The following ZNF583 variants were observed in gnomAD, a reference collection of about 807,000 sequenced individuals.
ZNF583 encodes the protein zinc finger protein 583, also known as zinc finger protein L3-5.
A neutral mutation model predicts 55.3 loss-of-function variants in ZNF583; 30 were observed. That is an observed-to-expected ratio of 0.54 (90% CI 0.41 to 0.74). The LOEUF is 0.74. ZNF583 is among the 30% of genes least tolerant of loss of function. The pLI, the probability that ZNF583 is intolerant of heterozygous loss-of-function variation, is 0.00. For synonymous variants in ZNF583, 208 were observed against 220.0 expected, an observed-to-expected ratio of 0.95 and a Z score of 0.48; for missense variants, 504 against 664.7, an observed-to-expected ratio of 0.76 and a Z score of 2.66.
intron 2 of ZNF583, among the ~76,000 whole-genome samples, chr19:56,412,762 CCTT>C (rs375820196): frequency 2.0e-3 from 304 of 152,200 alleles, no homozygotes; most frequent in African/African-American, 6.5e-3. Flanking sequence ...TTCTTTGATT[CCTT>C]CTTATCAAGT....
rs994469275 is a variant in ZNF583 at position 56,425,236 on chromosome 19, G to A, written c.*868G>A. 1 of 151,958 alleles carries A rather than the reference G, an allele frequency of 6.6e-6. No homozygotes were observed. Among genetic ancestry groups the A allele is most frequent in the African/African-American group, 2.4e-5 (1 of 41,356 alleles). 9.4% of individuals were successfully genotyped at this position (151,958 alleles called of 1,614,324 possible). Reference sequence around the variant, plus strand: ...TAAAAGTCTTTTTTTTTGAGATGGAGTCTTGCTCTGTTGCTCAGGCTTGAG... The same window carrying A: ...TAAAAGTCTTTTTTTTTGAGATGGAATCTTGCTCTGTTGCTCAGGCTTGAG... On this transcript the variant is annotated 3_prime_UTR_variant, in exon 5 of 5. Coordinates refer to ENST00000333201, the MANE Select transcript of ZNF583 (RefSeq NM_152478.3).
At chr19:56,410,177 CTCTTCGAGTATG>C (rs2042215373) in intron 2 of ZNF583, among the ~76,000 whole-genome samples, 1 of 152,176 alleles carries the variant, frequency 6.6e-6, no homozygotes, top group African/African-American at 2.4e-5. Flanking sequence ...ACCTGAAGAA[CTCTTCGAGTATG>C]TCTTCGAGTG....
At chr19:56,417,959 CAT>C (rs1368310271) in intron 4 of ZNF583, among the ~76,000 whole-genome samples, 3 of 152,148 alleles carry the variant, frequency 2.0e-5, no homozygotes, top group Non-Finnish European at 4.4e-5. Flanking sequence ...TACTTGACCA[CAT>C]ATGTGTGGGT....
Position 56,424,817 on chromosome 19 carries a change from AG to A in ZNF583, c.*450del, listed in dbSNP as rs1477205552. The A allele has an allele frequency of 6.3e-6, 1 of 158,662 alleles. No homozygotes were observed. The highest frequency in any genetic ancestry group is 1.4e-5 in the Non-Finnish European group (1 of 71,742). 9.8% of individuals were successfully genotyped at this position (158,662 alleles called of 1,614,324 possible). On this transcript the variant is annotated 3_prime_UTR_variant, in exon 5 of 5. Transcript: ENST00000333201. The stretch of plus-strand genomic sequence containing the variant: ...TGGGGGCAGCAGTTTGTGCTTTGTA[AG>A]CTTCAGTCTTATTTATAGTGTGGGA...
chr19:56,412,509 T>G (rs2042254433), intron 2 of ZNF583, among the ~76,000 whole-genome samples: 1 of 152,222 alleles, frequency 6.6e-6, no homozygotes, highest in South Asian at 2.1e-4. Context: ...TAGTGAGAGC[T>G]GTAGATATTT....
In ZNF583 at chr19:56,423,272, T is replaced by A. The variant is rs374933168; in HGVS notation, c.614T>A (p.Val205Asp). ...KKSVEMKHRK[V>D]YVEKKLLKCN... The stretch of plus-strand genomic sequence containing the variant: ...TCTGTTGAAATGAAACATAGGAAAG[T>A]CTATGTAGAAAAGAAACTTTTGAAA... Residue 205 changes from valine to aspartate, a missense_variant, in exon 5 of 5, where the codon GTC becomes GAC. Physicochemically the swap from Val to Asp is radical, Grantham distance 152. This residue lies in a region of ZNF583 where 204 missense variants were observed against 235.2 expected (regional missense o/e 0.87). Coordinates refer to ENST00000333201, the MANE Select transcript of ZNF583 (RefSeq NM_152478.3). 2.1e-5 allele frequency: 33 copies of A among 1,609,530 alleles called. No homozygotes were observed. Among genetic ancestry groups the A allele is most frequent in the Non-Finnish European group, 2.6e-5 (31 of 1,178,934 alleles).
chr19:56,413,623 T>C (rs1277358377), intron 2 of ZNF583, among the ~76,000 whole-genome samples: 1 of 152,204 alleles, frequency 6.6e-6, no homozygotes, highest in Non-Finnish European at 1.5e-5. Flanking sequence ...TTTTCCAATA[T>C]TGAGAAATGC....
rs975373634 is a variant in ZNF583 at position 56,423,181 on chromosome 19, C to G, written c.523C>G (p.Gln175Glu). The G allele has an allele frequency of 5.0e-6, 8 of 1,612,914 alleles. No individual in the cohort carries two copies. Among genetic ancestry groups the G allele is most frequent in the Non-Finnish European group, 5.9e-6 (7 of 1,179,884 alleles). Residue 175 changes from glutamine to glutamate, a missense_variant, in exon 5 of 5, where the codon CAG becomes GAG. Transcript: ENST00000333201. ...CCAGGATACAATCTTTGATATACAACAGAGTTTTCCCACCAAAGAAAAAGC... is the reference window on the plus strand; with the variant it reads ...CCAGGATACAATCTTTGATATACAAGAGAGTTTTCCCACCAAAGAAAAAGC... ...FHQDTIFDIQ[Q>E]SFPTKEKAHK...
At position 56,423,399 on chromosome 19, in the gene ZNF583, A is replaced by G. The variant is rs762865575; in HGVS notation, c.741A>G (p.Lys247=). 2.5e-6 allele frequency: 4 copies of G among 1,613,866 alleles called. No individual in the cohort carries two copies. The highest frequency in any genetic ancestry group is 2.2e-5 in the South Asian group (2 of 91,076). Residue 247 remains lysine (K), a synonymous_variant, in exon 5 of 5, where the codon AAA becomes AAG. Coordinates refer to ENST00000333201, the MANE Select transcript of ZNF583 (RefSeq NM_152478.3). The part of the protein sequence containing the change: ...EKPYACVECG[K]TFSQSANLAQ... ...CCTATGCATGTGTTGAATGTGGGAA[A>G]ACGTTCAGCCAGAGTGCAAACTTGG...
upstream of ZNF583, chr19:56,404,242 G>A: frequency 6.5e-6 from 1 of 152,874 alleles, no homozygotes; most frequent in East Asian, 1.9e-4. This position sits in a 1 kb window ranked among gnomAD's most constrained non-coding sequence, Gnocchi z 5.2. Context: ...GGGATCTGCG[G>A]CCGCCCGGGG....
chr19:56,406,404 G>A (rs2042148743), intron 1 of ZNF583, among the ~76,000 whole-genome samples: 1 of 152,128 alleles, frequency 6.6e-6, no homozygotes, highest in Non-Finnish European at 1.5e-5. Context: ...TAATTACTCC[G>A]ATGAAGAGCC....
intron 4 of ZNF583, among the ~76,000 whole-genome samples, chr19:56,416,826 T>C (rs2042332924): frequency 6.6e-6 from 1 of 152,104 alleles, no homozygotes; most frequent in South Asian, 2.1e-4. Flanking sequence ...CATATACCCA[T>C]GAAACTGTCA....
At chr19:56,408,025 T>C (rs1378231202) in intron 2 of ZNF583, among the ~76,000 whole-genome samples, 1 of 152,160 alleles carries the variant, frequency 6.6e-6, no homozygotes, top group Non-Finnish European at 1.5e-5. Context: ...AATAAACACC[T>C]TGTGCCAAGT....
intron 1 of ZNF583, 31 bp from the exon 2 acceptor site, chr19:56,406,995 T>G: frequency 8.9e-7 from 1 of 1,128,578 alleles, no homozygotes; most frequent in Non-Finnish European, 1.3e-6. Flanking sequence ...AGGGCAGGCC[T>G]GGCATTTTAT....
At chr19:56,416,614 C>G (rs2042328450) in intron 4 of ZNF583, among the ~76,000 whole-genome samples, 1 of 150,162 alleles carries the variant, frequency 6.7e-6, no homozygotes, top group South Asian at 2.1e-4. Flanking sequence ...TTATCTTTGT[C>G]TATCTCCTGT....
intron 1 of ZNF583, among the ~76,000 whole-genome samples, chr19:56,406,769 C>T (rs61281091): frequency 0.15 from 22,812 of 152,054 alleles, 2,034 homozygotes; most frequent in East Asian, 0.35. Context: ...CTTCGTGATT[C>T]GCCAGCCTCG....
At chr19:56,414,520 G>C (rs1458704358) in intron 4 of ZNF583, 80 bp downstream of exon 4, 30 of 1,331,582 alleles carry the variant, frequency 2.3e-5, no homozygotes, top group Non-Finnish European at 3.0e-5. Flanking sequence ...GTTCATAATT[G>C]ACGTTTCCTG....
rs1262725065 is a variant in ZNF583, at chr19:56,422,118, T to C, written c.233-773T>C. 2.6e-5 allele frequency among the ~76,000 whole-genome samples: 4 copies of C among 152,148 alleles called. No homozygotes were observed. The East Asian group carries it at 7.7e-4, about 29-fold the overall frequency. On this transcript the variant is annotated intron_variant, in intron 4 of 4. Transcript: ENST00000333201. ...AGCAAGGGAGTAGTAGAAGATAAGA[T>C]CAGAGAACACCAGGTCATGTAGAGT... is the stretch of plus-strand genomic sequence containing the variant.
chr19:56,418,179 T>A lies in ZNF583; in HGVS notation c.232+3739T>A, dbSNP rs534242515. On this transcript the variant is annotated intron_variant, in intron 4 of 4. Transcript: ENST00000333201. The stretch of plus-strand genomic sequence containing the variant: ...TCTGCTCAAAAAACTTAGATTTTTG[T>A]TGGGATTACATTGATTCTGTATGTC... Among the ~76,000 whole-genome samples the A allele has an allele frequency of 4.6e-5, 7 of 152,320 alleles. No homozygotes were observed. In the East Asian group the frequency reaches 1.4e-3, roughly 29 times the overall value.
Sources: allele counts gnomAD v4.1 joint callset (sites outside exome capture counted in the v4.1 genomes callset), GRCh38; gene constraint gnomAD v4.1.1; regional missense constraint gnomAD v4.1.1; non-coding constraint Gnocchi (gnomAD v3.1); transcripts MANE v1.5; gene names NCBI Gene and HGNC (gene_info 2026-07-23, HGNC 2026-07-21).